Variants in SPTLC3 observed in about 807,000 individuals in gnomAD.
The protein encoded by SPTLC3 is serine palmitoyltransferase 3.
SPTLC3 carries 36 observed loss-of-function variants against 59.3 expected under a neutral mutation model. That is an observed-to-expected ratio of 0.61 (90% CI 0.47 to 0.80). The LOEUF (loss-of-function observed/expected upper bound fraction) is 0.80. SPTLC3 is among the 30% of genes least tolerant of loss of function. The pLI is 0.00. For missense variants in SPTLC3, 625 were observed against 685.1 expected, an observed-to-expected ratio of 0.91 and a Z score of 0.98; for synonymous variants, 257 against 240.8, an observed-to-expected ratio of 1.07 and a Z score of -0.62.
chr20:13,060,167 G>C (rs917733094), intron 2 of SPTLC3, among the ~76,000 whole-genome samples: 4 of 152,132 alleles, frequency 2.6e-5, no homozygotes, highest in Non-Finnish European at 5.9e-5. Context: ...CTGAAGCCTA[G>C]AGCCTCAGAG....
chr20:13,099,345 T>C (rs1266904910), intron 6 of SPTLC3, among the ~76,000 whole-genome samples: 1 of 152,124 alleles, frequency 6.6e-6, no homozygotes, highest in Middle Eastern at 3.2e-3. Flanking sequence ...CAGACAGAAA[T>C]ACAGCCCTGC....
intron 6 of SPTLC3, among the ~76,000 whole-genome samples, chr20:13,096,707 T>G (rs929174366): frequency 6.6e-6 from 1 of 152,148 alleles, no homozygotes; most frequent in Non-Finnish European, 1.5e-5. Context: ...GGGGTGATGG[T>G]TACATTCTTA....
chr20:13,148,577 A>G (rs1032391213), intron 9 of SPTLC3, among the ~76,000 whole-genome samples: 2 of 152,160 alleles, frequency 1.3e-5, no homozygotes, highest in Non-Finnish European at 2.9e-5. Context: ...GCTACCACAT[A>G]TGCCCATTTT....
Position 13,091,239 on chromosome 20 carries a change from G to A in SPTLC3, c.732+32G>A, listed in dbSNP as rs751278087. 8 of 1,607,662 alleles carry A rather than the reference G, an allele frequency of 5.0e-6. No individual in the cohort carries two copies. In the African/African-American group the frequency reaches 8.0e-5, roughly 16 times the overall value. ...ATTGTTAACCTAATTGTCTTCTACTGTATTACTCCTAAGAACTGTAACTCT... is the reference window on the plus strand; with the variant it reads ...ATTGTTAACCTAATTGTCTTCTACTATATTACTCCTAAGAACTGTAACTCT... On this transcript the variant is annotated intron_variant, in intron 5 of 11. Transcript: ENST00000399002.
intron 4 of SPTLC3, among the ~76,000 whole-genome samples, chr20:13,081,452 G>A (rs1479988446): frequency 6.6e-6 from 1 of 152,062 alleles, no homozygotes; most frequent in East Asian, 1.9e-4. Context: ...TTTGTAGCTA[G>A]GTCTAAGAAA....
intron 1 of SPTLC3, among the ~76,000 whole-genome samples, chr20:13,025,249 A>G (rs1397229556): frequency 6.6e-6 from 1 of 152,202 alleles, no homozygotes; most frequent in Non-Finnish European, 1.5e-5. Flanking sequence ...CATATAATGA[A>G]CCAAGATTTG....
chr20:13,126,471 C>A (rs1185532624), intron 8 of SPTLC3, 120 bp from the exon 9 acceptor site: 1 of 1,214,738 alleles, frequency 8.2e-7, no homozygotes, highest in Non-Finnish European at 1.1e-6. Flanking sequence ...CCCCATTCAT[C>A]TTTTGAGCAT....
intron 1 of SPTLC3, among the ~76,000 whole-genome samples, chr20:13,029,928 A>G (rs1986348535): frequency 6.6e-6 from 1 of 152,194 alleles, no homozygotes. Flanking sequence ...TTCTGCTTCT[A>G]CATGTGGCTG....
intron 6 of SPTLC3, among the ~76,000 whole-genome samples, chr20:13,105,743 T>C (rs1230695902): frequency 6.6e-6 from 1 of 152,222 alleles, no homozygotes; most frequent in African/African-American, 2.4e-5. Flanking sequence ...CACAAAAACT[T>C]ATAAATTCCA....
intron 5 of SPTLC3, among the ~76,000 whole-genome samples, chr20:13,092,007 T>C (rs558938325): frequency 2.8e-4 from 42 of 152,226 alleles, no homozygotes; most frequent in African/African-American, 1.0e-3. Flanking sequence ...ATATGCTGAA[T>C]AAAATAGGAC....
intron 10 of SPTLC3, 94 bp downstream of exon 10, chr20:13,154,232 G>T: frequency 8.0e-6 from 12 of 1,492,900 alleles, no homozygotes; most frequent in South Asian, 2.5e-5. Flanking sequence ...ATCTGGAATG[G>T]GGTGAGTGAG....
Position 13,114,304 on chromosome 20 carries a change from A to G in SPTLC3, c.933-3202A>G, listed in dbSNP as rs550879657. On this transcript the variant is annotated intron_variant, in intron 7 of 11. Transcript: ENST00000399002. ...GTGTTCTGAACTGTATGTTTTCATT[A>G]AGTATCATTTTAAAATCACATTTTC... 2.6e-5 allele frequency among the ~76,000 whole-genome samples: 4 copies of G among 152,336 alleles called. No individual in the cohort carries two copies. In the East Asian group the frequency reaches 5.8e-4, roughly 22 times the overall value.
At chr20:13,143,774 G>A (rs1321288359) in intron 9 of SPTLC3, among the ~76,000 whole-genome samples, 4 of 152,204 alleles carry the variant, frequency 2.6e-5, no homozygotes, top group African/African-American at 9.7e-5. Flanking sequence ...GTTTCTCAGA[G>A]CCCTTTCAAG....
chr20:13,155,241 A>T (rs1268851989), intron 10 of SPTLC3, among the ~76,000 whole-genome samples: 1 of 152,124 alleles, frequency 6.6e-6, no homozygotes, highest in Non-Finnish European at 1.5e-5. Context: ...GTTTATTTTT[A>T]TCTCTGACCA....
intron 11 of SPTLC3, 134 bp downstream of exon 11, chr20:13,160,266 T>A: frequency 9.0e-7 from 1 of 1,115,278 alleles, no homozygotes; most frequent in Non-Finnish European, 1.2e-6. Flanking sequence ...CAAAAGTCAC[T>A]GCCAAAAAAC....
At chr20:13,127,516 T>A (rs74448167) in intron 9 of SPTLC3, among the ~76,000 whole-genome samples, 98 of 152,362 alleles carry the variant, frequency 6.4e-4, no homozygotes, top group African/African-American at 2.3e-3. Context: ...GCTTCAAGCC[T>A]GCTATTTCAG....
At chr20:13,139,445 G>A (rs8119743) in intron 9 of SPTLC3, among the ~76,000 whole-genome samples, 17,421 of 152,218 alleles carry the variant, frequency 0.11, 1,076 homozygotes, top group East Asian at 0.2. Flanking sequence ...GGGCAAGACA[G>A]TTCTCTTCCA....
At chr20:13,093,945 C>T (rs1286229351) in intron 6 of SPTLC3, among the ~76,000 whole-genome samples, 1 of 152,134 alleles carries the variant, frequency 6.6e-6, no homozygotes, top group Admixed American at 6.5e-5. Flanking sequence ...GTGTTAAGGT[C>T]AGGTAAAAAA....
At chr20:13,016,967 A>G (rs1414888269) in intron 1 of SPTLC3, among the ~76,000 whole-genome samples, 2 of 152,170 alleles carry the variant, frequency 1.3e-5, no homozygotes. Context: ...AACCAAGGTC[A>G]CCAACTTATA....
Sources: gnomAD v4.1 joint callset for allele counts (sites outside exome capture counted in the v4.1 genomes callset) on GRCh38, gnomAD v4.1.1 for gene constraint, MANE v1.5 for transcripts, NCBI Gene and HGNC (gene_info 2026-07-23, HGNC 2026-07-21) for gene names.